Variants in DSCAM observed in about 807,000 individuals in gnomAD.
The protein encoded by DSCAM is DS cell adhesion molecule, also known as cell adhesion molecule DSCAM.
Under a neutral mutation model 217.7 loss-of-function variants are expected in DSCAM, and 47 were observed. The observed-to-expected ratio is 0.22, with a 90% CI of 0.17 to 0.28. The LOEUF (loss-of-function observed/expected upper bound fraction) is 0.28, where lower values mean the gene tolerates loss of function less well. Among genes scored for constraint, DSCAM ranks in the 10% least tolerant of loss-of-function variants. The probability of loss-of-function intolerance (pLI) is 1.00; values close to 1 mark genes in which losing one functional copy is unlikely to be tolerated. For synonymous variants in DSCAM, 1,056 were observed against 1,015.3 expected (o/e 1.04, Z -0.76); for missense variants, 2,080 against 2,618.3 (o/e 0.79, Z 4.49).
At chr21:40,472,728 A>T (rs1157238889) in intron 3 of DSCAM, among the ~76,000 whole-genome samples, 1 of 152,034 alleles carries the variant, frequency 6.6e-6, no homozygotes, top group East Asian at 1.9e-4. Context: ...GTGTGTTTAA[A>T]TGTAAAGTTT....
At chr21:40,647,291 T>A (rs1207525379) in intron 3 of DSCAM, among the ~76,000 whole-genome samples, 1 of 152,242 alleles carries the variant, frequency 6.6e-6, no homozygotes, top group Admixed American at 6.5e-5. Flanking sequence ...GCACTGTTTG[T>A]ATATTTATAT....
chr21:40,568,106 T>G (rs549482534), intron 3 of DSCAM, among the ~76,000 whole-genome samples: 1 of 152,206 alleles, frequency 6.6e-6, no homozygotes, highest in African/African-American at 2.4e-5. Flanking sequence ...TAAACTATGT[T>G]TGATTGAAGC....
chr21:40,791,674 A>C lies in DSCAM; in HGVS notation c.43+54945T>G, dbSNP rs142928436. ...TCTCAAAAAAACAAAAAGAATAATG[A>C]AATTTTAAAAGATGTCATTATAGTT... is the stretch of plus-strand genomic sequence containing the variant. On this transcript the variant is annotated intron_variant, in intron 1 of 32. Transcript: ENST00000400454. Among the ~76,000 whole-genome samples the C allele has an allele frequency of 3.6e-3, 541 of 152,244 alleles. 3 individuals carry two copies. The highest frequency in any genetic ancestry group is 0.012 in the African/African-American group (513 of 41,558).
At chr21:40,329,657 TAATA>T (rs1304208710) in intron 8 of DSCAM, among the ~76,000 whole-genome samples, 4 of 137,584 alleles carry the variant, frequency 2.9e-5, no homozygotes. Context: ...AATAAATAAA[TAATA>T]AAAATAAAAA....
At chr21:40,636,749 G>C (rs1376010266) in intron 3 of DSCAM, among the ~76,000 whole-genome samples, 4 of 147,486 alleles carry the variant, frequency 2.7e-5, no homozygotes, top group Admixed American at 1.4e-4. Context: ...TTTTGGCCGG[G>C]GGTCTCATGA....
intron 3 of DSCAM, among the ~76,000 whole-genome samples, chr21:40,488,604 A>C (rs1193144955): frequency 6.6e-6 from 1 of 152,176 alleles, no homozygotes; most frequent in Non-Finnish European, 1.5e-5. Flanking sequence ...AAAGGTAAAA[A>C]TCAAATCATC....
intron 3 of DSCAM, among the ~76,000 whole-genome samples, chr21:40,488,579 T>C (rs2076049375): frequency 6.6e-6 from 1 of 152,028 alleles, no homozygotes; most frequent in Non-Finnish European, 1.5e-5. Flanking sequence ...GAGAAAGGCA[T>C]CCACCCAAAG....
chr21:40,029,218 TATG>T (rs972852107), intron 32 of DSCAM, among the ~76,000 whole-genome samples: 4 of 152,120 alleles, frequency 2.6e-5, no homozygotes, highest in Non-Finnish European at 5.9e-5. Context: ...TTCTTCTTCT[TATG>T]ATGTTTATCC....
rs1454817316 is a variant in DSCAM, at chr21:40,124,448, G to C, written c.3563-120C>G. ...CAGCTCTTTCAGGATGAGCGTTATG[G>C]GTTCCGCTGTGTCCCCCCAAATGCA... On this transcript the variant is annotated intron_variant, in intron 19 of 32. Coordinates refer to ENST00000400454, the MANE Select transcript of DSCAM (RefSeq NM_001389.5). 3 of 1,296,832 alleles carry C rather than the reference G, an allele frequency of 2.3e-6. No individual in the cohort carries two copies. In the East Asian group the frequency reaches 7.2e-5, roughly 31 times the overall value. 80.3% of individuals were successfully genotyped at this position (1,296,832 alleles called of 1,614,324 possible).
At chr21:40,333,692 C>T (rs978499330) in intron 8 of DSCAM, among the ~76,000 whole-genome samples, 1 of 152,164 alleles carries the variant, frequency 6.6e-6, no homozygotes, top group Non-Finnish European at 1.5e-5. Context: ...ATTTAAGACC[C>T]TTCTAAGTTC....
At chr21:40,508,603 C>T (rs1238845759) in intron 3 of DSCAM, among the ~76,000 whole-genome samples, 1 of 150,878 alleles carries the variant, frequency 6.6e-6, no homozygotes, top group East Asian at 2.0e-4. Context: ...GAGTCTTGCC[C>T]TGTCGACCAG....
At chr21:40,265,064 G>T (rs764192191) in intron 11 of DSCAM, among the ~76,000 whole-genome samples, 5 of 140,478 alleles carry the variant, frequency 3.6e-5, no homozygotes, top group Non-Finnish European at 4.4e-5. Context: ...GTAGTGACAG[G>T]CATCTATAAT....
intron 11 of DSCAM, among the ~76,000 whole-genome samples, chr21:40,201,330 A>C (rs907238204): frequency 6.6e-6 from 1 of 151,998 alleles, no homozygotes; most frequent in East Asian, 1.9e-4. Context: ...GATATCAAAA[A>C]CAGTATTTTC....
chr21:40,724,046 A>G (rs1260385597), intron 1 of DSCAM, among the ~76,000 whole-genome samples: 1 of 152,222 alleles, frequency 6.6e-6, no homozygotes, highest in East Asian at 1.9e-4. Flanking sequence ...TTTTAGAGAT[A>G]AAAGTCTCTC....
At chr21:40,841,515 AAG>A (rs2092101284) in intron 1 of DSCAM, among the ~76,000 whole-genome samples, 1 of 152,118 alleles carries the variant, frequency 6.6e-6, no homozygotes, top group South Asian at 2.1e-4. Context: ...TTGGAACTTG[AAG>A]AGTTAACCCC....
intron 3 of DSCAM, among the ~76,000 whole-genome samples, chr21:40,612,385 G>A (rs1006008289): frequency 8.5e-5 from 13 of 152,148 alleles, no homozygotes; most frequent in African/African-American, 3.1e-4. Context: ...CCTGAAGTGT[G>A]ACTACCCAGA....
intron 3 of DSCAM, among the ~76,000 whole-genome samples, chr21:40,502,198 A>G (rs1026078267): frequency 6.6e-6 from 1 of 152,188 alleles, no homozygotes; most frequent in Non-Finnish European, 1.5e-5. Context: ...AAAAATTACT[A>G]ATATTTTCAA....
In DSCAM at chr21:40,342,648, AT is replaced by A. The variant is rs1202355440; in HGVS notation, c.1211-3234del. Among the ~76,000 whole-genome samples, 210 of 80,314 alleles carry A rather than the reference AT, an allele frequency of 2.6e-3. 1 individual carries two copies. The highest frequency in any genetic ancestry group is 0.011 in the Middle Eastern group (1 of 90). The allele number at this position is 80,314 out of a possible 152,430, so 52.7% of individuals were successfully genotyped here. A position where few individuals can be genotyped will look rare whatever the true frequency, so the allele number is the denominator to read the frequency against. ...TGTGTATATATATATATATATATAT[AT>A]TTTTTTTTTTTTTTTGAGACAGTGT... On this transcript the variant is annotated intron_variant, in intron 6 of 32. Transcript: ENST00000400454.
chr21:40,156,671 A>C lies in DSCAM; in HGVS notation c.3018+10547T>G, dbSNP rs143535346. 3.3e-5 allele frequency among the ~76,000 whole-genome samples: 5 copies of C among 152,328 alleles called. No homozygotes were observed. In the East Asian group the frequency reaches 7.7e-4, roughly 23 times the overall value. ...AGAAGAAGACAGGAAGATGAGGGAA[A>C]GTCTGGAACTTCCCAGAGACTTGTT... On this transcript the variant is annotated intron_variant, in intron 16 of 32. Transcript: ENST00000400454.
Sources: gnomAD v4.1 joint callset for allele counts (sites outside exome capture counted in the v4.1 genomes callset) on GRCh38, gnomAD v4.1.1 for gene constraint, MANE v1.5 for transcripts, NCBI Gene and HGNC (gene_info 2026-07-23, HGNC 2026-07-21) for gene names.